The following GRM7 variants were observed in gnomAD, a reference collection of about 807,000 sequenced individuals.
GRM7 encodes glutamate metabotropic receptor 7, also known as metabotropic glutamate receptor 7.
Under a neutral mutation model 84.5 loss-of-function variants are expected in GRM7, and 35 were observed. The observed-to-expected ratio is 0.41, with a 90% CI of 0.32 to 0.55. GRM7 has a LOEUF of 0.55. Ranked by LOEUF, GRM7 falls within the 20% of genes least tolerant of loss-of-function variation. The pLI is 0.19. For missense variants in GRM7, 1,003 were observed against 1,194.6 expected, an observed-to-expected ratio of 0.84 and a Z score of 2.36; for synonymous variants, 487 against 455.1, an observed-to-expected ratio of 1.07 and a Z score of -0.89.
At chr3:7,281,913 C>G (rs563418374) in intron 2 of GRM7, among the ~76,000 whole-genome samples, 1 of 152,212 alleles carries the variant, frequency 6.6e-6, no homozygotes, top group South Asian at 2.1e-4. Context: ...AAACCCCGTC[C>G]CTACTAAAAT....
intron 1 of GRM7, among the ~76,000 whole-genome samples, chr3:7,108,913 C>A (rs1295698712): frequency 6.6e-6 from 1 of 152,016 alleles, no homozygotes; most frequent in Non-Finnish European, 1.5e-5. Flanking sequence ...GATTTATAAG[C>A]AGATATGTCT....
chr3:7,012,334 C>A (rs924707800), intron 1 of GRM7, among the ~76,000 whole-genome samples: 7 of 152,126 alleles, frequency 4.6e-5, no homozygotes, highest in African/African-American at 1.7e-4. Flanking sequence ...ACCTGGAAAT[C>A]TTTTTTCAAT....
At chr3:7,547,196 T>C (rs1306977856) in intron 7 of GRM7, among the ~76,000 whole-genome samples, 1 of 44,324 alleles carries the variant, frequency 2.3e-5, no homozygotes, top group Non-Finnish European at 4.3e-5. Context: ...AGTGAATTCT[T>C]TTTTTTTTTT....
chr3:7,554,624 C>T (rs1181800427), intron 7 of GRM7, among the ~76,000 whole-genome samples: 3 of 152,006 alleles, frequency 2.0e-5, no homozygotes, highest in Non-Finnish European at 4.4e-5. Context: ...ACTCATGTCA[C>T]AGTCTAGTGT....
chr3:6,936,093 C>T (rs1056346736), intron 1 of GRM7, among the ~76,000 whole-genome samples: 2 of 152,162 alleles, frequency 1.3e-5, no homozygotes, highest in Non-Finnish European at 2.9e-5. Context: ...GTGACTTTCC[C>T]AGCACCCAGC....
chr3:6,975,363 T>G (rs1036322127), intron 1 of GRM7, among the ~76,000 whole-genome samples: 2 of 152,178 alleles, frequency 1.3e-5, no homozygotes, highest in African/African-American at 2.4e-5. Context: ...CTCTGTCTAA[T>G]AAGAAAGTTT....
chr3:7,632,305 G>A (rs1697891687), intron 8 of GRM7, among the ~76,000 whole-genome samples: 1 of 152,130 alleles, frequency 6.6e-6, no homozygotes, highest in African/African-American at 2.4e-5. Flanking sequence ...GAATGGAGTG[G>A]GCATGAGTAG....
At chr3:7,416,271 C>G (rs761876064) in intron 5 of GRM7, among the ~76,000 whole-genome samples, 1 of 152,104 alleles carries the variant, frequency 6.6e-6, no homozygotes, top group African/African-American at 2.4e-5. Flanking sequence ...GGGTGTTACA[C>G]AAGCGGATGA....
chr3:6,945,158 C>A (rs1021575695), intron 1 of GRM7, among the ~76,000 whole-genome samples: 1 of 151,886 alleles, frequency 6.6e-6, no homozygotes, highest in Non-Finnish European at 1.5e-5. Context: ...GTGTGATGCA[C>A]CCATTAACTC....
chr3:7,329,903 TTTCC>T (rs1434752809), intron 4 of GRM7, among the ~76,000 whole-genome samples: 71 of 152,234 alleles, frequency 4.7e-4, no homozygotes, highest in Non-Finnish European at 9.3e-4. Context: ...ATATATTAAT[TTTCC>T]AGTTGTGTAG....
intron 2 of GRM7, among the ~76,000 whole-genome samples, chr3:7,175,594 G>A (rs1171893799): frequency 6.6e-6 from 1 of 152,182 alleles, no homozygotes; most frequent in African/African-American, 2.4e-5. Context: ...CTAGAGTGCA[G>A]TGGTGTGATC....
intron 7 of GRM7, among the ~76,000 whole-genome samples, chr3:7,468,042 T>G (rs536732242): frequency 6.6e-6 from 1 of 152,332 alleles, no homozygotes; most frequent in South Asian, 2.1e-4. Context: ...CAAAATCTGT[T>G]TAATACAATT....
intron 8 of GRM7, among the ~76,000 whole-genome samples, chr3:7,627,273 T>G (rs1256370072): frequency 6.6e-6 from 1 of 152,222 alleles, no homozygotes; most frequent in East Asian, 1.9e-4. Flanking sequence ...ATGTTTGAGA[T>G]CATGCTCATG....
chr3:7,290,680 C>T (rs1699589625), intron 2 of GRM7, among the ~76,000 whole-genome samples: 1 of 152,134 alleles, frequency 6.6e-6, no homozygotes, highest in Admixed American at 6.5e-5. Context: ...CCACCCCAAC[C>T]CCAGCAGCAT....
intron 8 of GRM7, among the ~76,000 whole-genome samples, chr3:7,676,242 G>T (rs560568628): frequency 2.0e-5 from 3 of 152,166 alleles, no homozygotes; most frequent in African/African-American, 7.2e-5. Flanking sequence ...CATAACTTCA[G>T]TGTGAGCCTC....
intron 1 of GRM7, among the ~76,000 whole-genome samples, chr3:6,990,131 G>C (rs1694580275): frequency 6.6e-6 from 1 of 152,216 alleles, no homozygotes; most frequent in East Asian, 1.9e-4. Context: ...GTGGATGTTA[G>C]AGACAGGCAG....
intron 2 of GRM7, among the ~76,000 whole-genome samples, chr3:7,212,976 T>C (rs1696479962): frequency 6.6e-6 from 1 of 152,174 alleles, no homozygotes; most frequent in Non-Finnish European, 1.5e-5. Context: ...TGTTACTGCA[T>C]GTTGTTTTGG....
chr3:7,620,093 A>G (rs977836142), intron 8 of GRM7, among the ~76,000 whole-genome samples: 1 of 152,150 alleles, frequency 6.6e-6, no homozygotes, highest in East Asian at 1.9e-4. Flanking sequence ...CACCAATCGT[A>G]TGAATAATTA....
chr3:7,284,374 A>G (rs1405097243), intron 2 of GRM7, among the ~76,000 whole-genome samples: 3 of 152,134 alleles, frequency 2.0e-5, no homozygotes, highest in Non-Finnish European at 4.4e-5. Context: ...AACAATCAAG[A>G]TAAATAGATC....
Sources: allele counts gnomAD v4.1 joint callset (sites outside exome capture counted in the v4.1 genomes callset), GRCh38; gene constraint gnomAD v4.1.1; transcripts MANE v1.5; gene names NCBI Gene and HGNC (gene_info 2026-07-23, HGNC 2026-07-21).